The following ARIH1 variants were observed in gnomAD, a reference collection of about 807,000 sequenced individuals.
The protein encoded by ARIH1 is ariadne RBR E3 ubiquitin protein ligase 1.
ARIH1 carries 8 observed loss-of-function variants against 85.0 expected under a neutral mutation model. The ratio of observed to expected loss-of-function variants is 0.09; its 90% CI spans 0.06 to 0.17. The LOEUF (loss-of-function observed/expected upper bound fraction) is 0.17. Ranked by LOEUF, ARIH1 falls within the 10% of genes least tolerant of loss-of-function variation. ARIH1 has a pLI of 1.00. For missense variants in ARIH1, 311 were observed against 718.1 expected, an observed-to-expected ratio of 0.43 and a Z score of 6.48; for synonymous variants, 238 against 253.6, an observed-to-expected ratio of 0.94 and a Z score of 0.59.
At chr15:72,522,100 C>T (rs926034075) in intron 2 of ARIH1, among the ~76,000 whole-genome samples, 2 of 151,942 alleles carry the variant, frequency 1.3e-5, no homozygotes, top group African/African-American at 2.4e-5. Flanking sequence ...CTTTATCTCT[C>T]GGTTTATTCT....
At chr15:72,518,638 A>G (rs2063985529) in intron 2 of ARIH1, among the ~76,000 whole-genome samples, 1 of 152,080 alleles carries the variant, frequency 6.6e-6, no homozygotes, top group Admixed American at 6.5e-5. Flanking sequence ...AAATACAAAA[A>G]TTAGCTGGGT....
chr15:72,506,061 C>T (rs150176270), intron 1 of ARIH1, among the ~76,000 whole-genome samples: 3 of 53,714 alleles, frequency 5.6e-5, no homozygotes, highest in African/African-American at 1.1e-4. Flanking sequence ...AAAACTTAGT[C>T]ATTGTGGGCC....
intron 6 of ARIH1, 120 bp from the exon 7 acceptor site, chr15:72,563,274 G>T (rs1225542522): frequency 8.1e-6 from 6 of 744,822 alleles, no homozygotes; most frequent in Non-Finnish European, 1.4e-5. Context: ...GCCCGGGCTG[G>T]TCTGGAGTGC....
Position 72,601,014 on chromosome 15 carries a change from A to G in ARIH1, c.*17722A>G, listed in dbSNP as rs2064380406. On this transcript the variant is annotated 3_prime_UTR_variant, in exon 14 of 14. Transcript: ENST00000379887. ...ATTTCAGTAATTGGCTGTACCACTCATCCAGCAGCTTTCAAAGTAAGAAAC... is the reference window on the plus strand; with the variant it reads ...ATTTCAGTAATTGGCTGTACCACTCGTCCAGCAGCTTTCAAAGTAAGAAAC... 1 of 152,230 alleles carries G rather than the reference A, an allele frequency of 6.6e-6. No homozygotes were observed. Among genetic ancestry groups the G allele is most frequent in the African/African-American group, 2.4e-5 (1 of 41,450 alleles). The allele number at this position is 152,230 out of a possible 1,614,324, so 9.4% of individuals were successfully genotyped here. A position where few individuals can be genotyped will look rare whatever the true frequency, so the allele number is the denominator to read the frequency against.
At chr15:72,501,686 C>A (rs1191361545) in intron 1 of ARIH1, among the ~76,000 whole-genome samples, 1 of 152,110 alleles carries the variant, frequency 6.6e-6, no homozygotes, top group African/African-American at 2.4e-5. Flanking sequence ...AGTTGGAACC[C>A]AGAAGTGAGT....
At chr15:72,572,306 C>T (rs537891621) in intron 11 of ARIH1, 141 bp downstream of exon 11, 2 of 549,046 alleles carry the variant, frequency 3.6e-6, no homozygotes, top group Non-Finnish European at 6.3e-6. Context: ...GGCATGATCT[C>T]AGCTCACTGC....
intron 1 of ARIH1, among the ~76,000 whole-genome samples, chr15:72,504,591 C>G (rs918493086): frequency 2.0e-5 from 3 of 152,102 alleles, no homozygotes; most frequent in Non-Finnish European, 2.9e-5. Context: ...CAAGCCGCTT[C>G]TCTCGTTCGT....
intron 11 of ARIH1, among the ~76,000 whole-genome samples, chr15:72,578,243 GAC>G (rs1377682823): frequency 6.6e-6 from 1 of 152,140 alleles, no homozygotes; most frequent in Non-Finnish European, 1.5e-5. Context: ...GCAACATCTG[GAC>G]ACAGTTTTCT....
At chr15:72,536,527 T>TG (rs1236856385) in intron 2 of ARIH1, among the ~76,000 whole-genome samples, 1 of 152,226 alleles carries the variant, frequency 6.6e-6, no homozygotes, top group East Asian at 1.9e-4. Flanking sequence ...AAAAGCTGAA[T>TG]GGGGGGGATG....
intron 2 of ARIH1, among the ~76,000 whole-genome samples, chr15:72,520,196 G>A (rs1156521815): frequency 6.6e-6 from 1 of 152,112 alleles, no homozygotes; most frequent in Non-Finnish European, 1.5e-5. Context: ...GAACGTTTCA[G>A]TTTCTCCTTG....
At chr15:72,475,052 C>T in intron 1 of ARIH1, 38 bp downstream of exon 1, 3 of 1,545,574 alleles carry the variant, frequency 1.9e-6, no homozygotes, top group Non-Finnish European at 1.7e-6. Flanking sequence ...CCGGGCCCGA[C>T]GGGGGAGCGG....
chr15:72,578,889 A>G (rs139859202), intron 11 of ARIH1, among the ~76,000 whole-genome samples: 103 of 150,508 alleles, frequency 6.8e-4, no homozygotes, highest in African/African-American at 2.2e-3. Flanking sequence ...CAACTCGGCA[A>G]TTCTCCTGCC....
chr15:72,561,438 C>T (rs2064197028), intron 5 of ARIH1, 45 bp from the exon 6 acceptor site: 2 of 1,374,336 alleles, frequency 1.5e-6, no homozygotes, highest in Non-Finnish European at 2.1e-6. Context: ...GTGGAAAATA[C>T]TCTTGACTGG....
Position 72,566,560 on chromosome 15 carries a change from C to T in ARIH1, c.912-3C>T. The T allele has an allele frequency of 1.2e-6, 2 of 1,611,682 alleles. No individual in the cohort carries two copies. The highest frequency in any genetic ancestry group is 1.7e-6 in the Non-Finnish European group (2 of 1,178,598). On this transcript the variant is annotated splice_region_variant and splice_polypyrimidine_tract_variant and intron_variant, in intron 7 of 13. Transcript: ENST00000379887. ...TCTATTAACTCTTTGTGTCACTTAA[C>T]AGCTTTAACTGTGGAGAAAATTGGC...
intron 1 of ARIH1, among the ~76,000 whole-genome samples, chr15:72,490,090 C>A (rs1009447252): frequency 6.6e-6 from 1 of 151,766 alleles, no homozygotes; most frequent in South Asian, 2.1e-4. Flanking sequence ...AGGCCAGTCA[C>A]GGTGGTTCAA....
At chr15:72,510,685 C>T (rs918220120) in intron 1 of ARIH1, among the ~76,000 whole-genome samples, 4 of 118,518 alleles carry the variant, frequency 3.4e-5, no homozygotes, top group East Asian at 5.2e-4. Flanking sequence ...TGCAGTGAGC[C>T]GAGATCACGC....
intron 6 of ARIH1, 57 bp from the exon 7 acceptor site, chr15:72,563,337 G>T (rs1429801923): frequency 4.1e-6 from 6 of 1,472,390 alleles, no homozygotes; most frequent in Non-Finnish European, 5.7e-6. Context: ...GGGATTATAG[G>T]TGTGAGCCAC....
chr15:72,560,040 T>C (rs1455337152), intron 5 of ARIH1, among the ~76,000 whole-genome samples: 1 of 152,212 alleles, frequency 6.6e-6, no homozygotes. Context: ...TAATGCTATG[T>C]TTAACTTTTT....
At chr15:72,538,017 A>G (rs890016986) in intron 2 of ARIH1, among the ~76,000 whole-genome samples, 1 of 152,192 alleles carries the variant, frequency 6.6e-6, no homozygotes, top group Non-Finnish European at 1.5e-5. Context: ...TTGCAAATGT[A>G]TAATGGAAGC....
Sources: gnomAD v4.1 joint callset for allele counts (sites outside exome capture counted in the v4.1 genomes callset) on GRCh38, gnomAD v4.1.1 for gene constraint, MANE v1.5 for transcripts, NCBI Gene and HGNC (gene_info 2026-07-23, HGNC 2026-07-21) for gene names.